Variants in FLT3 observed in about 807,000 individuals in gnomAD.
FLT3 encodes the protein receptor-type tyrosine-protein kinase FLT3.
In FLT3, 46 loss-of-function variants were observed where a neutral mutation model predicts 126.6. The ratio of observed to expected loss-of-function variants is 0.36; its 90% CI spans 0.29 to 0.46. The LOEUF (loss-of-function observed/expected upper bound fraction) is 0.46. Among genes scored for constraint, FLT3 ranks in the 20% least tolerant of loss-of-function variants. FLT3 has a pLI of 1.00. For missense variants in FLT3, 1,069 were observed against 1,190.3 expected (o/e 0.90, Z 1.50); for synonymous variants, 404 against 434.4 (o/e 0.93, Z 0.87).
intron 9 of FLT3, among the ~76,000 whole-genome samples, chr13:28,045,911 G>C (rs964120122): frequency 7.2e-6 from 1 of 139,150 alleles, no homozygotes; most frequent in Non-Finnish European, 1.5e-5. Flanking sequence ...ACTGTGGGTT[G>C]ATGCCTCTAA....
chr13:28,062,541 A>C (rs1484783932), intron 2 of FLT3, among the ~76,000 whole-genome samples: 1 of 151,926 alleles, frequency 6.6e-6, no homozygotes, highest in Non-Finnish European at 1.5e-5. Flanking sequence ...TCAGGAATTC[A>C]AGACCAGCCT....
intron 18 of FLT3, among the ~76,000 whole-genome samples, chr13:28,024,184 T>G (rs1284998245): frequency 6.6e-6 from 1 of 151,180 alleles, no homozygotes; most frequent in Admixed American, 6.6e-5. Context: ...CAGGTTGGAA[T>G]GCAGTGGTGC....
chr13:28,051,890 C>T (rs180713872), intron 5 of FLT3, among the ~76,000 whole-genome samples: 1 of 151,624 alleles, frequency 6.6e-6, no homozygotes, highest in African/African-American at 2.4e-5. Context: ...AAATCAGTAT[C>T]TTTCTTTTTG....
chr13:28,026,298 C>T (rs756146056), intron 17 of FLT3, among the ~76,000 whole-genome samples: 4 of 145,264 alleles, frequency 2.8e-5, no homozygotes, highest in East Asian at 2.0e-4. Context: ...TGCAGTGAGC[C>T]GAGATCACAC....
intron 23 of FLT3, among the ~76,000 whole-genome samples, chr13:28,011,681 C>CCT (rs1156727756): frequency 1.9e-4 from 3 of 16,008 alleles, no homozygotes; most frequent in Non-Finnish European, 3.8e-4. Flanking sequence ...CCTTCCTTCC[C>CCT]TCCTCCTTCC....
At chr13:28,040,610 G>C (rs1339894091) in intron 9 of FLT3, among the ~76,000 whole-genome samples, 1 of 151,958 alleles carries the variant, frequency 6.6e-6, no homozygotes, top group Non-Finnish European at 1.5e-5. Context: ...CCAATGTTCT[G>C]TGCCCTGAAC....
At chr13:28,073,774 A>C (rs970364251) in intron 1 of FLT3, among the ~76,000 whole-genome samples, 14 of 144,706 alleles carry the variant, frequency 9.7e-5, no homozygotes, top group African/African-American at 3.5e-4. Flanking sequence ...TCTCTACAAA[A>C]ATTTGTTTTT....
intron 3 of FLT3, 30 bp from the exon 4 acceptor site, chr13:28,057,492 T>G (rs750141881): frequency 5.7e-6 from 6 of 1,050,062 alleles, no homozygotes; most frequent in East Asian, 2.4e-5. Flanking sequence ...ACTAGTTATT[T>G]TGGAAAATGT....
intron 2 of FLT3, chr13:28,067,686 C>T (rs574459397): frequency 6.5e-6 from 1 of 154,500 alleles, no homozygotes; most frequent in South Asian, 2.0e-4. Flanking sequence ...CTAATGAGGA[C>T]ATGAAATCAC....
At chr13:28,016,428 G>A (rs1399750512) in intron 20 of FLT3, among the ~76,000 whole-genome samples, 2 of 151,914 alleles carry the variant, frequency 1.3e-5, no homozygotes, top group African/African-American at 4.8e-5. Flanking sequence ...GCACCACCAT[G>A]CCCAGCTAAT....
intron 1 of FLT3, among the ~76,000 whole-genome samples, chr13:28,099,110 GGAGA>G (rs3057860): frequency 6.6e-6 from 1 of 152,040 alleles, no homozygotes; most frequent in African/African-American, 2.4e-5. Flanking sequence ...AGAAATATCT[GGAGA>G]GAGAGACATA....
chr13:28,021,972 C>T (rs539538949), intron 19 of FLT3, among the ~76,000 whole-genome samples: 10 of 151,958 alleles, frequency 6.6e-5, no homozygotes, highest in African/African-American at 1.9e-4. Context: ...CTCCTGACCT[C>T]GTGATTCACC....
At chr13:28,012,140 T>C (rs1256838465) in intron 23 of FLT3, among the ~76,000 whole-genome samples, 1 of 152,188 alleles carries the variant, frequency 6.6e-6, no homozygotes, top group African/African-American at 2.4e-5. Context: ...CCATTTTCTC[T>C]GGGTGCTTCT....
At chr13:28,065,831 G>GTAATAATAA (rs59880929) in intron 2 of FLT3, among the ~76,000 whole-genome samples, 56 of 126,390 alleles carry the variant, frequency 4.4e-4, no homozygotes, top group East Asian at 1.8e-3. Flanking sequence ...TTGTCTCAAA[G>GTAATAATAA]TAATAATAAT....
At chr13:28,032,785 G>T (rs1006982728) in intron 15 of FLT3, among the ~76,000 whole-genome samples, 1 of 152,232 alleles carries the variant, frequency 6.6e-6, no homozygotes, top group African/African-American at 2.4e-5. Context: ...CCCAAAGAAA[G>T]AAAGCTTCTG....
At chr13:28,099,357 G>A (rs982102529) in intron 1 of FLT3, among the ~76,000 whole-genome samples, 5 of 152,190 alleles carry the variant, frequency 3.3e-5, no homozygotes, top group African/African-American at 1.2e-4. Flanking sequence ...AACTATTTAA[G>A]AACTAAAATG....
intron 20 of FLT3, among the ~76,000 whole-genome samples, chr13:28,017,798 G>A (rs1300502978): frequency 6.6e-6 from 1 of 151,468 alleles, no homozygotes; most frequent in Non-Finnish European, 1.5e-5. Flanking sequence ...CCGAATAGTT[G>A]GGATTACAGG....
intron 23 of FLT3, among the ~76,000 whole-genome samples, 194 bp from the exon 24 acceptor site, chr13:28,004,368 C>A (rs1476603757): frequency 6.6e-6 from 1 of 152,120 alleles, no homozygotes; most frequent in Non-Finnish European, 1.5e-5. Context: ...TGCAGTGGTA[C>A]AACCATAGTT....
chr13:28,006,510 ACTG>A (rs1870911393), intron 23 of FLT3, among the ~76,000 whole-genome samples: 1 of 152,130 alleles, frequency 6.6e-6, no homozygotes, highest in East Asian at 1.9e-4. Context: ...CATCTCTACC[ACTG>A]AATTTCTAAC....
Sources: allele counts gnomAD v4.1 joint callset (sites outside exome capture counted in the v4.1 genomes callset), GRCh38; gene constraint gnomAD v4.1.1; transcripts MANE v1.5; gene names NCBI Gene and HGNC (gene_info 2026-07-23, HGNC 2026-07-21).